The following RNF11 variants were observed in gnomAD, a reference collection of about 807,000 sequenced individuals.
RNF11 encodes ring finger protein 11.
RNF11 carries 4 observed loss-of-function variants against 15.8 expected under a neutral mutation model. That is an observed-to-expected ratio of 0.25 (90% CI 0.12 to 0.58). RNF11 has a LOEUF of 0.58. RNF11 is among the 20% of genes least tolerant of loss of function. The pLI is 0.91. For missense variants in RNF11, 139 were observed against 194.4 expected, an observed-to-expected ratio of 0.71 and a Z score of 1.70; for synonymous variants, 68 against 72.3, an observed-to-expected ratio of 0.94 and a Z score of 0.30.
In RNF11 at chr1:51,270,458, C is replaced by T. The variant is rs1002582022; in HGVS notation, c.293+333C>T. 5.3e-5 allele frequency among the ~76,000 whole-genome samples: 8 copies of T among 151,976 alleles called. No homozygotes were observed. In the South Asian group the frequency reaches 6.3e-4, roughly 12 times the overall value. ...TGAAACCTCATCTCTACTGAAAATA[C>T]GAAAATTAGCCAGGCATGGTGGCAC... On this transcript the variant is annotated intron_variant, in intron 2 of 2. Coordinates refer to ENST00000242719, the MANE Select transcript of RNF11 (RefSeq NM_014372.5).
intron 1 of RNF11, among the ~76,000 whole-genome samples, chr1:51,260,184 G>A (rs990242442): frequency 2.0e-5 from 3 of 152,216 alleles, no homozygotes; most frequent in Admixed American, 6.5e-5. Context: ...TTTTGGTATC[G>A]TAAATGGTGT....
intron 1 of RNF11, among the ~76,000 whole-genome samples, chr1:51,254,157 C>T (rs1646893827): frequency 1.3e-5 from 2 of 152,174 alleles, no homozygotes; most frequent in Non-Finnish European, 2.9e-5. Context: ...AAAACTTTAA[C>T]CCCCTTTGTG....
chr1:51,261,046 A>T (rs1159392332), intron 1 of RNF11, among the ~76,000 whole-genome samples: 4 of 152,182 alleles, frequency 2.6e-5, no homozygotes, highest in African/African-American at 9.7e-5. Context: ...CCTTTTTCAC[A>T]TATACCTCAC....
intron 1 of RNF11, among the ~76,000 whole-genome samples, chr1:51,260,349 C>G (rs1349440193): frequency 6.6e-6 from 1 of 152,114 alleles, no homozygotes; most frequent in African/African-American, 2.4e-5. Flanking sequence ...GTCTGTTTGT[C>G]TCTCTTTAAT....
chr1:51,250,003 A>C (rs373870477), intron 1 of RNF11, among the ~76,000 whole-genome samples: 2 of 152,164 alleles, frequency 1.3e-5, no homozygotes, highest in African/African-American at 4.8e-5. Flanking sequence ...CTGTCAATCT[A>C]TCCTGTTGAT....
intron 1 of RNF11, 123 bp downstream of exon 1, chr1:51,237,002 A>T: frequency 6.9e-6 from 9 of 1,299,136 alleles, no homozygotes; most frequent in Non-Finnish European, 9.3e-6. Context: ...TTGACCCCTT[A>T]GGGCTGGATC....
chr1:51,259,716 C>T (rs1270548396), intron 1 of RNF11, among the ~76,000 whole-genome samples: 2 of 152,104 alleles, frequency 1.3e-5, no homozygotes, highest in South Asian at 2.1e-4. Flanking sequence ...GTAACAGAAA[C>T]CTTTTCCTGT....
At chr1:51,259,318 C>T (rs971438927) in intron 1 of RNF11, among the ~76,000 whole-genome samples, 1 of 152,296 alleles carries the variant, frequency 6.6e-6, no homozygotes, top group East Asian at 1.9e-4. Flanking sequence ...GCCCCTTTTC[C>T]TCTCTAACCT....
At position 51,272,518 on chromosome 1, in the gene RNF11, G is replaced by A. The variant is rs147171069; in HGVS notation, c.*1196G>A. 70 of 152,628 alleles carry A rather than the reference G, an allele frequency of 4.6e-4. 2 individuals are homozygous for A. In the East Asian group the frequency reaches 9.6e-3, roughly 21 times the overall value. The allele number at this position is 152,628 out of a possible 1,614,324, so 9.5% of individuals were successfully genotyped here. On this transcript the variant is annotated 3_prime_UTR_variant, in exon 3 of 3. Coordinates refer to ENST00000242719, the MANE Select transcript of RNF11 (RefSeq NM_014372.5). ...TGTATAACCATATGACTTCATAGTT[G>A]TGATCTCAAAAAAGAAGGAATTTCT...
At chr1:51,242,778 C>T (rs1042547674) in intron 1 of RNF11, among the ~76,000 whole-genome samples, 1 of 151,966 alleles carries the variant, frequency 6.6e-6, no homozygotes, top group African/African-American at 2.4e-5. Context: ...TATATTAATG[C>T]CTCATTTTCC....
In RNF11 at chr1:51,273,395, A is replaced by G. The variant is rs544290048; in HGVS notation, c.*2073A>G. On this transcript the variant is annotated 3_prime_UTR_variant, in exon 3 of 3. Coordinates refer to ENST00000242719, the MANE Select transcript of RNF11 (RefSeq NM_014372.5). ...TTCTCAACATACAATGTTAAGAACC[A>G]TCAATTTTGACTTTTACTAAGTTGT... is the stretch of plus-strand genomic sequence containing the variant. The G allele has an allele frequency of 2.0e-5, 3 of 152,294 alleles. No homozygotes were observed. Among genetic ancestry groups the G allele is most frequent in the East Asian group, 3.9e-4 (2 of 5,192 alleles). 9.4% of individuals were successfully genotyped at this position (152,294 alleles called of 1,614,324 possible). A position where few individuals can be genotyped will look rare whatever the true frequency, so the allele number is the denominator to read the frequency against.
Position 51,239,468 on chromosome 1 carries a change from T to C in RNF11, c.123+2589T>C, listed in dbSNP as rs555440187. 2.8e-3 allele frequency among the ~76,000 whole-genome samples: 431 copies of C among 152,306 alleles called. 1 individual carries two copies. Among genetic ancestry groups the C allele is most frequent in the African/African-American group, 9.8e-3 (407 of 41,548 alleles). The stretch of plus-strand genomic sequence containing the variant: ...AACATGGGAGCATAAAAAGAAACTT[T>C]TGGAGAAAAAGTATTGTCCCCCACC... On this transcript the variant is annotated intron_variant, in intron 1 of 2. Coordinates refer to ENST00000242719, the MANE Select transcript of RNF11 (RefSeq NM_014372.5).
At chr1:51,264,287 A>ATATATAT (rs1248532023) in intron 1 of RNF11, among the ~76,000 whole-genome samples, 3 of 32,526 alleles carry the variant, frequency 9.2e-5, no homozygotes, top group Non-Finnish European at 1.7e-4. Flanking sequence ...AAAAAAAAAA[A>ATATATAT]ATATATATAT....
At chr1:51,264,560 G>A (rs1337770421) in intron 1 of RNF11, among the ~76,000 whole-genome samples, 1 of 152,028 alleles carries the variant, frequency 6.6e-6, no homozygotes, top group Admixed American at 6.6e-5. Context: ...GTAGGAGACT[G>A]CAGCTGGGAA....
rs565470362 is a variant in RNF11, at chr1:51,271,416, G to T, written c.*94G>T. On this transcript the variant is annotated 3_prime_UTR_variant, in exon 3 of 3. Coordinates refer to ENST00000242719, the MANE Select transcript of RNF11 (RefSeq NM_014372.5). The stretch of plus-strand genomic sequence containing the variant: ...CAAAGAGCCAGGGATTAGGAATTAA[G>T]ATCGTGCACAAAAGTTTCCTTAAAA... 3.1e-5 allele frequency: 32 copies of T among 1,046,978 alleles called. No homozygotes were observed. The highest frequency in any genetic ancestry group is 4.3e-5 in the Non-Finnish European group (32 of 748,204). 64.9% of individuals were successfully genotyped at this position (1,046,978 alleles called of 1,614,324 possible).
intron 1 of RNF11, among the ~76,000 whole-genome samples, chr1:51,253,641 G>C (rs1370959762): frequency 6.6e-6 from 1 of 151,992 alleles, no homozygotes; most frequent in Admixed American, 6.6e-5. Context: ...CTCTGTACCC[G>C]CGTTCTAGAG....
intron 1 of RNF11, among the ~76,000 whole-genome samples, chr1:51,244,337 G>C (rs1478817073): frequency 6.6e-6 from 1 of 151,998 alleles, no homozygotes; most frequent in Non-Finnish European, 1.5e-5. Context: ...AAAGTACGTT[G>C]AGCTTTGGGA....
chr1:51,237,226 A>T (rs1172289615), intron 1 of RNF11, among the ~76,000 whole-genome samples: 1 of 151,614 alleles, frequency 6.6e-6, no homozygotes. Flanking sequence ...CGCACCGCCA[A>T]CTGGATTATG....
At position 51,272,367 on chromosome 1, in the gene RNF11, T is replaced by C. The variant is rs1296521545; in HGVS notation, c.*1045T>C. 3 of 152,654 alleles carry C rather than the reference T, an allele frequency of 2.0e-5. No individual in the cohort carries two copies. Among genetic ancestry groups the C allele is most frequent in the Non-Finnish European group, 2.9e-5 (2 of 68,014 alleles). 9.5% of individuals were successfully genotyped at this position (152,654 alleles called of 1,614,324 possible). A position where few individuals can be genotyped will look rare whatever the true frequency, so the allele number is the denominator to read the frequency against. ...TGTAGTGCTGAGGTTATTGAAGTTA[T>C]ACAAAACACATCTCAGTCTCTGTTT... On this transcript the variant is annotated 3_prime_UTR_variant, in exon 3 of 3. Transcript: ENST00000242719.
Sources: gnomAD v4.1 joint callset for allele counts (sites outside exome capture counted in the v4.1 genomes callset) on GRCh38, gnomAD v4.1.1 for gene constraint, MANE v1.5 for transcripts, NCBI Gene and HGNC (gene_info 2026-07-23, HGNC 2026-07-21) for gene names.